The following SRSF4 variants were observed in gnomAD, a reference collection of about 807,000 sequenced individuals.
SRSF4 encodes the protein serine and arginine rich splicing factor 4.
SRSF4 carries 12 observed loss-of-function variants against 48.8 expected under a neutral mutation model. The observed-to-expected ratio is 0.25, with a 90% CI of 0.16 to 0.40. SRSF4 has a LOEUF of 0.40. Among genes scored for constraint, SRSF4 ranks in the 10% least tolerant of loss-of-function variants. The pLI, the probability that SRSF4 is intolerant of heterozygous loss-of-function variation, is 1.00. For missense variants in SRSF4, 466 were observed against 667.1 expected (o/e 0.70, Z 3.32); for synonymous variants, 248 against 232.5 (o/e 1.07, Z -0.61).
rs148338436 is a variant in SRSF4 at position 29,148,874 on chromosome 1, T to G, written c.1021A>C (p.Arg341=). The G allele has an allele frequency of 3.8e-3, 6,145 of 1,604,274 alleles. 197 individuals are homozygous for G. The Admixed American group carries it at 0.066, about 17-fold the overall frequency. ...RSRSRSKGGS[R]SRSRSRSKSK... ...TTGCTGCGGCTCCTGCTCCGGCTCCTGCTGCCCCCTTTGCTCCTGCTCCGG... is the reference window on the plus strand; with the variant it reads ...TTGCTGCGGCTCCTGCTCCGGCTCCGGCTGCCCCCTTTGCTCCTGCTCCGG... The change falls in exon 6 of 6, where the codon AGG becomes CGG. Residue 341 remains arginine, a synonymous_variant. Coordinates refer to ENST00000373795, the MANE Select transcript of SRSF4 (RefSeq NM_005626.5).
At chr1:29,150,042 AG>A (rs1280220862) in intron 5 of SRSF4, 60 bp downstream of exon 5, 1 of 1,410,352 alleles carries the variant, frequency 7.1e-7, no homozygotes, top group African/African-American at 1.4e-5. Context: ...AAGAAAAAAA[AG>A]TGAGACAGGG....
At chr1:29,149,576 G>A (rs997949404) in intron 5 of SRSF4, among the ~76,000 whole-genome samples, 7 of 151,952 alleles carry the variant, frequency 4.6e-5, no homozygotes, top group Non-Finnish European at 1.0e-4. Context: ...AGCTACTCAG[G>A]AGGCTGAGGC....
chr1:29,173,398 C>A (rs1268523605), intron 1 of SRSF4: 1 of 151,038 alleles, frequency 6.6e-6, no homozygotes, highest in African/African-American at 2.4e-5. Flanking sequence ...CCCGCCTCGG[C>A]CTCCCAAAGT....
At chr1:29,169,681 AC>A in intron 1 of SRSF4, 1 of 152,314 alleles carries the variant, frequency 6.6e-6, no homozygotes, top group African/African-American at 2.4e-5. Context: ...CATAAAGTAA[AC>A]CAACTGCTGA....
chr1:29,173,916 C>T (rs572882979), intron 1 of SRSF4, among the ~76,000 whole-genome samples: 2 of 150,992 alleles, frequency 1.3e-5, no homozygotes, highest in South Asian at 2.1e-4. Context: ...TTGGTGGGTG[C>T]GGTGGCTCAC....
At chr1:29,156,119 C>T (rs1022900443) in intron 3 of SRSF4, among the ~76,000 whole-genome samples, 3 of 152,118 alleles carry the variant, frequency 2.0e-5, no homozygotes, top group African/African-American at 4.8e-5. Flanking sequence ...CCTTGGGAGG[C>T]CAAGGCCAGG....
In SRSF4 at chr1:29,147,862, C is replaced by A; in HGVS notation, c.*548G>T. 5.5e-6 allele frequency: 1 copy of A among 182,350 alleles called. No individual in the cohort carries two copies. Among genetic ancestry groups the A allele is most frequent in the Non-Finnish European group, 1.2e-5 (1 of 84,174 alleles). The allele number at this position is 182,350 out of a possible 1,614,324, so 11.3% of individuals were successfully genotyped here. The stretch of plus-strand genomic sequence containing the variant: ...TTTTCTTTTCTTTTTTAATATAAAA[C>A]AATATAATCACAATACCAGAATATG... On this transcript the variant is annotated 3_prime_UTR_variant, in exon 6 of 6. Transcript: ENST00000373795.
intron 3 of SRSF4, among the ~76,000 whole-genome samples, chr1:29,157,164 C>A (rs1038967185): frequency 6.6e-6 from 1 of 152,004 alleles, no homozygotes; most frequent in African/African-American, 2.4e-5. Flanking sequence ...GATAAGAGAG[C>A]AAGTCTTGCT....
At chr1:29,166,358 A>G (rs1360395842) in intron 1 of SRSF4, among the ~76,000 whole-genome samples, 1 of 152,208 alleles carries the variant, frequency 6.6e-6, no homozygotes, top group Non-Finnish European at 1.5e-5. Context: ...CTGTAGAAAG[A>G]CACTTCTGCA....
At chr1:29,173,458 T>TG (rs1401366339) in intron 1 of SRSF4, 2 of 115,112 alleles carry the variant, frequency 1.7e-5, no homozygotes, top group Non-Finnish European at 3.4e-5. Context: ...AAGTTGTTTT[T>TG]TTTTTTTCTT....
At chr1:29,178,353 C>CTTCTTTTTTTTTTTTTTTTTTT (rs141096220) in intron 1 of SRSF4, among the ~76,000 whole-genome samples, 1 of 127,888 alleles carries the variant, frequency 7.8e-6, no homozygotes, top group African/African-American at 3.0e-5. Flanking sequence ...GTTTCAATTA[C>CTTCTTTTTTTTTTTTTTTTTTT]TTTTTTTTTT....
At position 29,181,772 on chromosome 1, in the gene SRSF4, G is replaced by C; in HGVS notation, c.-20C>G. On this transcript the variant is annotated 5_prime_UTR_variant, in exon 1 of 6. Transcript: ENST00000373795. ...CGGCATCCCGGCAACGGCAGTGATG[G>C]CTGGCCCCGGCCCCAGCCCCCCTTA... is the stretch of plus-strand genomic sequence containing the variant. 3.9e-6 allele frequency: 6 copies of C among 1,558,112 alleles called. No individual in the cohort carries two copies. The highest frequency in any genetic ancestry group is 5.2e-6 in the Non-Finnish European group (6 of 1,157,664).
At chr1:29,159,312 T>C in intron 3 of SRSF4, 62 bp downstream of exon 3, 3 of 1,147,188 alleles carry the variant, frequency 2.6e-6, no homozygotes, top group South Asian at 2.5e-5. Context: ...TGCACAAATC[T>C]ACCTGTTTCC....
intron 1 of SRSF4, among the ~76,000 whole-genome samples, chr1:29,167,712 T>C (rs531670273): frequency 1.3e-5 from 2 of 152,334 alleles, no homozygotes; most frequent in East Asian, 3.9e-4. Context: ...AGTCTTGTTT[T>C]TGTCTTTGTG....
intron 1 of SRSF4, among the ~76,000 whole-genome samples, chr1:29,164,213 C>T (rs1672637964): frequency 6.6e-6 from 1 of 152,204 alleles, no homozygotes; most frequent in Admixed American, 6.5e-5. Context: ...TACCACCAGA[C>T]ACCAACAGAT....
chr1:29,163,280 A>C (rs1672625304), intron 1 of SRSF4, among the ~76,000 whole-genome samples: 1 of 152,158 alleles, frequency 6.6e-6, no homozygotes, highest in African/African-American at 2.4e-5. Flanking sequence ...AAATTAGCTG[A>C]CTTGAGATTA....
rs184456894 is a variant in SRSF4, at chr1:29,150,233, G to A, written c.579-41C>T. On this transcript the variant is annotated intron_variant, in intron 4 of 5. Coordinates refer to ENST00000373795, the MANE Select transcript of SRSF4 (RefSeq NM_005626.5). The stretch of plus-strand genomic sequence containing the variant: ...ATTTTTTAATACTTGCTGACAAGAG[G>A]CTGCTGATGAGCATCAATCAAGACT... 1.4e-3 allele frequency: 2,025 copies of A among 1,429,908 alleles called. 4 individuals are homozygous for A. Among genetic ancestry groups the A allele is most frequent in the Middle Eastern group, 1.8e-3 (10 of 5,714 alleles). 88.6% of individuals were successfully genotyped at this position (1,429,908 alleles called of 1,614,324 possible).
At chr1:29,159,289 G>A in intron 3 of SRSF4, 85 bp downstream of exon 3, 1 of 834,744 alleles carries the variant, frequency 1.2e-6, no homozygotes, top group Non-Finnish European at 2.0e-6. Context: ...TGTATTTTGT[G>A]TATGCCTGGG....
rs534409825 is a variant in SRSF4 at position 29,148,519 on chromosome 1, C to T, written c.1376G>A (p.Arg459His). 19 of 1,614,024 alleles carry T rather than the reference C, an allele frequency of 1.2e-5. No individual in the cohort carries two copies. Among genetic ancestry groups the T allele is most frequent in the East Asian group, 4.5e-5 (2 of 44,856 alleles). The change falls in exon 6 of 6, where the codon CGC becomes CAC. Residue 459 changes from arginine (R) to histidine (H), a missense_variant. Coordinates refer to ENST00000373795, the MANE Select transcript of SRSF4 (RefSeq NM_005626.5). Reference protein sequence around the residue: ...KSKPNLPSESRSRSKSASKTR... With the variant: ...KSKPNLPSESHSRSKSASKTR... ...TTTTGAAGCTGACTTTGATCTGGAG[C>T]GTGATTCTGATGGAAGGTTTGGTTT...
Sources: allele counts gnomAD v4.1 joint callset (sites outside exome capture counted in the v4.1 genomes callset), GRCh38; gene constraint gnomAD v4.1.1; transcripts MANE v1.5; gene names NCBI Gene and HGNC (gene_info 2026-07-23, HGNC 2026-07-21).